FBXL20: variants seen among roughly 807,000 people sequenced by gnomAD.
FBXL20 encodes F-box/LRR-repeat protein 20.
A neutral mutation model predicts 64.0 loss-of-function variants in FBXL20; 11 were observed. The ratio of observed to expected loss-of-function variants is 0.17; its 90% confidence interval spans 0.11 to 0.28. The LOEUF (loss-of-function observed/expected upper bound fraction) is 0.28. Ranked by LOEUF, FBXL20 falls within the 10% of genes least tolerant of loss-of-function variation. FBXL20 has a pLI of 1.00. For missense variants in FBXL20, 303 were observed against 526.2 expected (o/e 0.58, Z 4.15); for synonymous variants, 184 against 189.0 (o/e 0.97, Z 0.22).
intron 1 of FBXL20, among the ~76,000 whole-genome samples, chr17:39,360,978 G>A (rs943571099): frequency 6.6e-5 from 10 of 152,168 alleles, no homozygotes; most frequent in African/African-American, 2.4e-4. Flanking sequence ...TTCCCCCATT[G>A]TTCCAGCCTC....
chr17:39,333,793 C>T (rs7212780), intron 2 of FBXL20, among the ~76,000 whole-genome samples: 14 of 151,514 alleles, frequency 9.2e-5, no homozygotes, highest in East Asian at 5.8e-4. Context: ...TCTGCCCGGC[C>T]GCGACCCCGT....
intron 1 of FBXL20, among the ~76,000 whole-genome samples, chr17:39,371,941 T>C (rs2047922315): frequency 6.6e-6 from 1 of 152,208 alleles, no homozygotes; most frequent in Non-Finnish European, 1.5e-5. Context: ...AGTGACCCTG[T>C]TGTCAGCCTC....
At chr17:39,283,350 A>T (rs2046963371) in intron 7 of FBXL20, among the ~76,000 whole-genome samples, 1 of 152,200 alleles carries the variant, frequency 6.6e-6, no homozygotes, top group Non-Finnish European at 1.5e-5. Flanking sequence ...ATATCTGAAA[A>T]TCTGAAGTGC....
intron 1 of FBXL20, among the ~76,000 whole-genome samples, chr17:39,349,043 T>C (rs1238355913): frequency 1.3e-5 from 2 of 151,542 alleles, no homozygotes; most frequent in Admixed American, 6.6e-5. Context: ...CTTGAGGTCA[T>C]GAGTTTGAAA....
intron 1 of FBXL20, among the ~76,000 whole-genome samples, chr17:39,370,416 G>A (rs954423151): frequency 1.1e-4 from 17 of 151,914 alleles, no homozygotes; most frequent in African/African-American, 3.9e-4. Context: ...CTTGAACCCG[G>A]GAGGCGGAGT....
intron 9 of FBXL20, among the ~76,000 whole-genome samples, chr17:39,278,832 AC>A (rs559265563): frequency 1.3e-5 from 2 of 149,670 alleles, no homozygotes; most frequent in South Asian, 4.5e-4. Flanking sequence ...GGTGTGAGCC[AC>A]TGTGCCTGGT....
intron 1 of FBXL20, among the ~76,000 whole-genome samples, chr17:39,395,151 G>A (rs763262735): frequency 1.4e-4 from 22 of 152,156 alleles, no homozygotes; most frequent in Non-Finnish European, 2.6e-4. Flanking sequence ...TAGGCCGGGC[G>A]TGGTGGCTCA....
intron 6 of FBXL20, 102 bp downstream of exon 6, chr17:39,297,025 C>G: frequency 3.1e-6 from 2 of 642,376 alleles, no homozygotes; most frequent in Non-Finnish European, 5.2e-6. Flanking sequence ...TCTACAAAAC[C>G]AAGATAAAAT....
intron 1 of FBXL20, among the ~76,000 whole-genome samples, chr17:39,353,992 GAATGTACTTAACACTA>G (rs1484104531): frequency 1.3e-5 from 2 of 152,052 alleles, no homozygotes; most frequent in Non-Finnish European, 2.9e-5. Flanking sequence ...ACAACACTGT[GAATGTACTTAACACTA>G]CTGAACTGTG....
chr17:39,273,993 C>A (rs1024245029), intron 10 of FBXL20, among the ~76,000 whole-genome samples: 18 of 151,650 alleles, frequency 1.2e-4, no homozygotes, highest in African/African-American at 4.1e-4. Flanking sequence ...CTCACTTTAG[C>A]CTCCTGAGTA....
At chr17:39,287,757 G>T (rs1474017893) in intron 6 of FBXL20, among the ~76,000 whole-genome samples, 2 of 151,970 alleles carry the variant, frequency 1.3e-5, no homozygotes. Flanking sequence ...TAGATCCTAT[G>T]GCAAGGTTAT....
At chr17:39,295,054 T>C (rs767588865) in intron 6 of FBXL20, among the ~76,000 whole-genome samples, 3 of 152,194 alleles carry the variant, frequency 2.0e-5, no homozygotes, top group Non-Finnish European at 4.4e-5. Flanking sequence ...ATATGATGTC[T>C]AGGACTTTTT....
At position 39,349,621 on chromosome 17, in the gene FBXL20, C is replaced by T. The variant is rs542673553; in HGVS notation, c.43-6380G>A. ...AAAATAAGAAAATTCCACACCTGAC[C>T]TCTTGTGATAAGTCACAGTCAAGAT... On this transcript the variant is annotated intron_variant, in intron 1 of 14. Transcript: ENST00000264658. 5.3e-5 allele frequency among the ~76,000 whole-genome samples: 8 copies of T among 152,090 alleles called. No homozygotes were observed. The South Asian group carries it at 1.2e-3, about 24-fold the overall frequency.
rs554893389 is a variant in FBXL20 at position 39,377,524 on chromosome 17, G to A, written c.42+23837C>T. 4.2e-5 allele frequency among the ~76,000 whole-genome samples: 6 copies of A among 142,908 alleles called. No homozygotes were observed. The South Asian group carries it at 1.3e-3, about 31-fold the overall frequency. 93.8% of individuals were successfully genotyped at this position (142,908 alleles called of 152,430 possible). A position where few individuals can be genotyped will look rare whatever the true frequency, so the allele number is the denominator to read the frequency against. On this transcript the variant is annotated intron_variant, in intron 1 of 14. Transcript: ENST00000264658. ...TGTTGTTGTTTTTTTTTTTTGAGAC[G>A]GAGTCTTGCTCTGTCGCCCAGGCTG...
intron 2 of FBXL20, among the ~76,000 whole-genome samples, chr17:39,314,198 T>C (rs1829458876): frequency 6.6e-6 from 1 of 152,198 alleles, no homozygotes; most frequent in Admixed American, 6.6e-5. Context: ...ATGAAGACTT[T>C]TGTGTTGGCT....
intron 1 of FBXL20, among the ~76,000 whole-genome samples, chr17:39,352,129 T>C (rs1597814081): frequency 6.6e-6 from 1 of 152,296 alleles, no homozygotes; most frequent in Non-Finnish European, 1.5e-5. Context: ...TTTACTAACA[T>C]AATACATTTA....
chr17:39,338,956 C>T (rs570429417), intron 2 of FBXL20, among the ~76,000 whole-genome samples: 4 of 152,158 alleles, frequency 2.6e-5, no homozygotes, highest in African/African-American at 9.6e-5. Flanking sequence ...CATTCAAGGT[C>T]AGGAGTTTGA....
chr17:39,372,801 A>T (rs963784607), intron 1 of FBXL20, among the ~76,000 whole-genome samples: 3 of 151,102 alleles, frequency 2.0e-5, no homozygotes, highest in Non-Finnish European at 3.0e-5. Flanking sequence ...AATTTTTTGT[A>T]TTTAGTAGAG....
At chr17:39,267,657 TGG>T (rs2046804181) in intron 12 of FBXL20, among the ~76,000 whole-genome samples, 1 of 152,206 alleles carries the variant, frequency 6.6e-6, no homozygotes, top group African/African-American at 2.4e-5. Context: ...ACAGTTTTCA[TGG>T]TTATGTTAGG....
Sources: allele counts gnomAD v4.1 joint callset (sites outside exome capture counted in the v4.1 genomes callset), GRCh38; gene constraint gnomAD v4.1.1; transcripts MANE v1.5; gene names NCBI Gene and HGNC (gene_info 2026-07-23, HGNC 2026-07-21).